Variants in TANC2 observed in about 807,000 individuals in gnomAD.
The protein encoded by TANC2 is protein TANC2.
A neutral mutation model predicts 210.5 loss-of-function variants in TANC2; 26 were observed. That is an observed-to-expected ratio of 0.12 (90% CI 0.09 to 0.17). The LOEUF (loss-of-function observed/expected upper bound fraction) is 0.17. Ranked by LOEUF, TANC2 falls within the 10% of genes least tolerant of loss-of-function variation. TANC2 has a pLI of 1.00. For missense variants in TANC2, 2,129 were observed against 2,608.9 expected, an observed-to-expected ratio of 0.82 and a Z score of 4.01; for synonymous variants, 931 against 967.1, an observed-to-expected ratio of 0.96 and a Z score of 0.69.
chr17:63,396,050 C>T (rs1250288715), intron 18 of TANC2, 122 bp downstream of exon 18: 12 of 888,198 alleles, frequency 1.4e-5, no homozygotes, highest in Non-Finnish European at 1.0e-5. Context: ...GTGATCGCTG[C>T]TCTGAATAAT....
At chr17:63,305,975 C>G (rs1332747199) in intron 9 of TANC2, among the ~76,000 whole-genome samples, 1 of 152,216 alleles carries the variant, frequency 6.6e-6, no homozygotes, top group East Asian at 1.9e-4. Flanking sequence ...AGAAAGCCGT[C>G]AGAACCTGGG....
chr17:63,198,186 T>G (rs1403177404), intron 6 of TANC2, among the ~76,000 whole-genome samples: 2 of 151,888 alleles, frequency 1.3e-5, no homozygotes, highest in African/African-American at 4.8e-5. Context: ...ATAATAAAAC[T>G]TTTCTTCTTT....
chr17:63,354,904 A>G lies in TANC2; in HGVS notation c.2096A>G (p.Gln699Arg). 1 of 1,613,892 alleles carries G rather than the reference A, an allele frequency of 6.2e-7. No homozygotes were observed. Among genetic ancestry groups the G allele is most frequent in the Non-Finnish European group, 8.5e-7 (1 of 1,179,814 alleles). Residue 699 changes from glutamine to arginine, a missense_variant, in exon 14 of 28, where the codon CAG becomes CGG. Gln to Arg is a conservative substitution (Grantham distance 43, BLOSUM62 1). This residue lies in a region of TANC2 where 644 missense variants were observed against 937.5 expected (regional missense o/e 0.69). Transcript: ENST00000689528. The stretch of plus-strand genomic sequence containing the variant: ...CGGATACACAGCAGCTCAGAGATCC[A>G]GAATAACATTTCACTTAATGGCAAA...
chr17:63,397,718 C>T (rs565142649), intron 18 of TANC2, among the ~76,000 whole-genome samples: 5 of 152,160 alleles, frequency 3.3e-5, no homozygotes, highest in Non-Finnish European at 7.4e-5. Flanking sequence ...GCAGACAAGA[C>T]ATGCACAATC....
At chr17:63,175,971 G>T (rs1051621252) in intron 5 of TANC2, among the ~76,000 whole-genome samples, 3 of 152,146 alleles carry the variant, frequency 2.0e-5, no homozygotes, top group African/African-American at 7.2e-5. Context: ...ACCATTATCA[G>T]GAGAACTGCA....
rs572591612 is a variant in TANC2 at position 63,087,828 on chromosome 17, G to GT, written c.140-11344dup. ...TTCCCACTGAGGTTGCTGCTTGTGC[G>GT]TTTCTGCATTCTCTATAGTCACCTG... On this transcript the variant is annotated intron_variant, in intron 3 of 27. Coordinates refer to ENST00000689528, the Ensembl canonical transcript of TANC2. 2.8e-4 allele frequency among the ~76,000 whole-genome samples: 42 copies of GT among 152,276 alleles called. No individual in the cohort carries two copies. In the South Asian group the frequency reaches 8.1e-3, roughly 29 times the overall value.
At chr17:63,347,879 A>G (rs140319078) in intron 12 of TANC2, among the ~76,000 whole-genome samples, 369 of 152,272 alleles carry the variant, frequency 2.4e-3, no homozygotes, top group Middle Eastern at 6.8e-3. Context: ...AGCCCAAGCT[A>G]TCCTCCTGCC....
chr17:63,220,738 G>GTA (rs1443733714), intron 7 of TANC2, among the ~76,000 whole-genome samples: 2,792 of 132,176 alleles, frequency 0.021, 86 homozygotes, highest in African/African-American at 0.072. Flanking sequence ...ATATATATAT[G>GTA]TATATATATA....
At chr17:63,185,754 A>T (rs1333609272) in intron 5 of TANC2, among the ~76,000 whole-genome samples, 1 of 152,164 alleles carries the variant, frequency 6.6e-6, no homozygotes, top group Non-Finnish European at 1.5e-5. Context: ...TCCCAATAAT[A>T]TTGAACACCT....
At chr17:63,204,149 G>A (rs2041623587) in intron 7 of TANC2, among the ~76,000 whole-genome samples, 1 of 150,230 alleles carries the variant, frequency 6.7e-6, no homozygotes, top group Non-Finnish European at 1.5e-5. Context: ...CAAAGTTGCA[G>A]GATACAAAAT....
chr17:63,016,421 T>G (rs1196169225), intron 2 of TANC2, among the ~76,000 whole-genome samples: 1 of 152,116 alleles, frequency 6.6e-6, no homozygotes, highest in African/African-American at 2.4e-5. Flanking sequence ...CAAAAAAAAT[T>G]TTTTTATGGC....
intron 2 of TANC2, among the ~76,000 whole-genome samples, chr17:63,048,605 A>G (rs1389027040): frequency 6.6e-6 from 1 of 152,158 alleles, no homozygotes; most frequent in East Asian, 1.9e-4. Flanking sequence ...TGAAGATCAG[A>G]TGGTTGTATG....
At chr17:63,092,334 G>A (rs56727923) in intron 3 of TANC2, among the ~76,000 whole-genome samples, 176 of 151,864 alleles carry the variant, frequency 1.2e-3, no homozygotes, top group African/African-American at 4.2e-3. Context: ...ATTGTCACCA[G>A]CAGTATATGA....
At chr17:63,055,977 AAAAAAAAAAAAAAATAT>A (rs1319350831) in intron 2 of TANC2, among the ~76,000 whole-genome samples, 141 of 28,316 alleles carry the variant, frequency 5.0e-3, no homozygotes, top group Middle Eastern at 0.016. Flanking sequence ...AAAAAAAAAA[AAAAAAAAAAAAAAATAT>A]ATATATATAT....
At chr17:62,976,426 C>T (rs1461823325) in intron 1 of TANC2, among the ~76,000 whole-genome samples, 1 of 150,174 alleles carries the variant, frequency 6.7e-6, no homozygotes, top group African/African-American at 2.4e-5. Context: ...GACAGTCAGT[C>T]AAGGTGGACT....
intron 11 of TANC2, among the ~76,000 whole-genome samples, chr17:63,337,767 C>T (rs1039897743): frequency 6.6e-6 from 1 of 152,166 alleles, no homozygotes; most frequent in African/African-American, 2.4e-5. Context: ...TCCTCTCCCT[C>T]CTCCCACTCT....
At chr17:63,395,625 T>G (rs2048129900) in intron 17 of TANC2, 118 bp from the exon 18 acceptor site, 2 of 892,390 alleles carry the variant, frequency 2.2e-6, no homozygotes, top group South Asian at 3.4e-5. Flanking sequence ...AGAGATTGGT[T>G]CCAGGAGTGG....
chr17:63,087,468 G>A lies in TANC2; in HGVS notation c.140-11707G>A, dbSNP rs541265467. Among the ~76,000 whole-genome samples, 4 of 152,048 alleles carry A rather than the reference G, an allele frequency of 2.6e-5. No individual in the cohort carries two copies. The South Asian group carries it at 8.3e-4, about 32-fold the overall frequency. ...TTTTTTTCTCCCTTCTCATAGTTAG[G>A]TGGAACAGGATGGCTAGAGGAAGCT... is the stretch of plus-strand genomic sequence containing the variant. On this transcript the variant is annotated intron_variant, in intron 3 of 27. Coordinates refer to ENST00000689528, the Ensembl canonical transcript of TANC2.
At chr17:63,119,787 G>A (rs2038391720) in intron 4 of TANC2, among the ~76,000 whole-genome samples, 1 of 152,164 alleles carries the variant, frequency 6.6e-6, no homozygotes, top group Non-Finnish European at 1.5e-5. Context: ...GGCTGAGATG[G>A]GAAGATCCCT....
Sources: gnomAD v4.1 joint callset for allele counts (sites outside exome capture counted in the v4.1 genomes callset) on GRCh38, gnomAD v4.1.1 for gene constraint, gnomAD v4.1.1 regional missense constraint, MANE v1.5 for transcripts, NCBI Gene and HGNC (gene_info 2026-07-23, HGNC 2026-07-21) for gene names.